Variants in TANC1 observed in about 807,000 individuals in gnomAD.
The protein encoded by TANC1 is tetratricopeptide repeat, ankyrin repeat and coiled-coil containing 1, also known as protein TANC1.
In TANC1, 77 loss-of-function variants were observed where a neutral mutation model predicts 149.7. The observed-to-expected ratio is 0.51, with a 90% CI of 0.43 to 0.62. The LOEUF (loss-of-function observed/expected upper bound fraction) is 0.62. Ranked by LOEUF, TANC1 falls within the 20% of genes least tolerant of loss-of-function variation. The pLI is 0.00. For missense variants in TANC1, 1,985 were observed against 2,321.8 expected, an observed-to-expected ratio of 0.85 and a Z score of 2.98; for synonymous variants, 854 against 925.0, an observed-to-expected ratio of 0.92 and a Z score of 1.39.
At chr2:159,201,341 C>T (rs1390833668) in intron 19 of TANC1, among the ~76,000 whole-genome samples, 1 of 152,134 alleles carries the variant, frequency 6.6e-6, no homozygotes, top group East Asian at 1.9e-4. Context: ...GATTTGGCCA[C>T]GTGGGGTCTG....
At chr2:159,141,832 A>G (rs1255516965) in intron 5 of TANC1, among the ~76,000 whole-genome samples, 1 of 152,216 alleles carries the variant, frequency 6.6e-6, no homozygotes, top group Non-Finnish European at 1.5e-5. Context: ...GGAAAAGACC[A>G]CACAAGACCA....
chr2:159,129,574 T>C (rs139766579), intron 4 of TANC1, among the ~76,000 whole-genome samples: 1 of 152,122 alleles, frequency 6.6e-6, no homozygotes, highest in South Asian at 2.1e-4. Flanking sequence ...TTTGTTGTTT[T>C]TTTTTTCTTT....
chr2:159,157,180 AG>A (rs2053528578), intron 7 of TANC1, among the ~76,000 whole-genome samples: 1 of 152,154 alleles, frequency 6.6e-6, no homozygotes, highest in Admixed American at 6.5e-5. Context: ...GTTACCATGC[AG>A]GGTTGGGGCG....
intron 2 of TANC1, among the ~76,000 whole-genome samples, chr2:159,054,203 G>A (rs1357367292): frequency 6.6e-6 from 1 of 152,210 alleles, no homozygotes; most frequent in Non-Finnish European, 1.5e-5. Flanking sequence ...GATCAAGACT[G>A]CCTGGATGCA....
chr2:159,041,535 C>T lies in TANC1; in HGVS notation c.-15-24361C>T, dbSNP rs544386598. Reference sequence around the variant, plus strand: ...CTAGGCTGCCACCTTGCAGCTCGATCTCGGACTGCTGTGCTAGCAGTGAGC... The same window carrying T: ...CTAGGCTGCCACCTTGCAGCTCGATTTCGGACTGCTGTGCTAGCAGTGAGC... On this transcript the variant is annotated intron_variant, in intron 2 of 26. Transcript: ENST00000263635. Among the ~76,000 whole-genome samples, 20 of 152,342 alleles carry T rather than the reference C, an allele frequency of 1.3e-4. 1 individual carries two copies. The highest frequency in any genetic ancestry group is 1.0e-3 in the South Asian group (5 of 4,826).
chr2:159,129,064 A>G (rs1255843135), intron 4 of TANC1, among the ~76,000 whole-genome samples: 1 of 152,232 alleles, frequency 6.6e-6, no homozygotes, highest in Non-Finnish European at 1.5e-5. Context: ...ATGCAAAAAA[A>G]TCCCTAAAAT....
At chr2:159,199,106 C>T (rs1052962596) in intron 19 of TANC1, 53 bp downstream of exon 19, 2 of 1,446,722 alleles carry the variant, frequency 1.4e-6, no homozygotes, top group Non-Finnish European at 1.9e-6. Context: ...GATGTTTTAG[C>T]CCTATTTTGG....
chr2:159,041,920 C>T (rs1246319199), intron 2 of TANC1, among the ~76,000 whole-genome samples: 1 of 152,164 alleles, frequency 6.6e-6, no homozygotes, highest in Non-Finnish European at 1.5e-5. Flanking sequence ...CATCTTGGAA[C>T]CCTACCCCAT....
rs1331472910 is a variant in TANC1 at position 159,170,737 on chromosome 2, T to C, written c.1283T>C (p.Val428Ala). 1.9e-6 allele frequency: 3 copies of C among 1,614,146 alleles called. No individual in the cohort carries two copies. Among genetic ancestry groups the C allele is most frequent in the Admixed American group, 3.3e-5 (2 of 60,024 alleles). Residue 428 changes from valine to alanine, a missense_variant, in exon 10 of 27, where the codon GTG becomes GCG. Coordinates refer to ENST00000263635, the MANE Select transcript of TANC1 (RefSeq NM_033394.3). ...FGKTAIISKL[V>A]ALSCHGSRMR... is the part of the protein sequence containing the mutation. The stretch of plus-strand genomic sequence containing the variant: ...AAGACGGCAATCATTTCCAAGTTGG[T>C]GGCCCTGAGCTGCCACGGAAGCCGC...
chr2:158,997,533 C>G (rs2036242679), intron 1 of TANC1, among the ~76,000 whole-genome samples: 1 of 152,148 alleles, frequency 6.6e-6, no homozygotes, highest in African/African-American at 2.4e-5. Context: ...ATCACAGTAA[C>G]CAGGACTCCT....
intron 7 of TANC1, 181 bp downstream of exon 7, chr2:159,150,737 C>T (rs1242818893): frequency 3.8e-6 from 2 of 530,940 alleles, no homozygotes; most frequent in Non-Finnish European, 6.7e-6. Context: ...TTGGCTTTTA[C>T]ATTCCTTGAT....
chr2:159,099,524 C>A (rs2046460472), intron 4 of TANC1, among the ~76,000 whole-genome samples: 1 of 151,006 alleles, frequency 6.6e-6, no homozygotes, highest in Non-Finnish European at 1.5e-5. Flanking sequence ...CAAAACAAAA[C>A]AAAAAAACTT....
chr2:159,136,906 A>G (rs186166160), intron 5 of TANC1, among the ~76,000 whole-genome samples: 1 of 152,228 alleles, frequency 6.6e-6, no homozygotes, highest in East Asian at 1.9e-4. Context: ...TTTAACAGAT[A>G]TATTCATAGT....
intron 19 of TANC1, among the ~76,000 whole-genome samples, chr2:159,211,998 T>C (rs2059016968): frequency 6.6e-6 from 1 of 152,258 alleles, no homozygotes; most frequent in African/African-American, 2.4e-5. Context: ...GTTTCTCTGA[T>C]GCCCCTGTGA....
intron 2 of TANC1, among the ~76,000 whole-genome samples, chr2:159,048,531 A>G (rs979579729): frequency 1.6e-4 from 25 of 152,162 alleles, no homozygotes; most frequent in African/African-American, 5.3e-4. Flanking sequence ...GTTGTGTTCA[A>G]TTGTGGGAAT....
At chr2:159,000,063 A>T (rs912956240) in intron 1 of TANC1, among the ~76,000 whole-genome samples, 1 of 152,158 alleles carries the variant, frequency 6.6e-6, no homozygotes, top group African/African-American at 2.4e-5. Context: ...AAGGGCCTCC[A>T]TGCCCAGCAG....
Position 159,175,117 on chromosome 2 carries a change from C to G in TANC1, c.1668C>G (p.Ser556=). ...TACAGAGCATGCTGAGCCTCCGATC[C>G]TGTGTGCAGGACCCGGTGGCAGCTT... ...PQLQSMLSLR[S]CVQDPVAAFK... Residue 556 remains serine (S), a synonymous_variant, in exon 12 of 27, where the codon TCC becomes TCG. Transcript: ENST00000263635. 1.9e-6 allele frequency: 3 copies of G among 1,614,184 alleles called. No homozygotes were observed. Among genetic ancestry groups the G allele is most frequent in the Non-Finnish European group, 2.5e-6 (3 of 1,180,032 alleles).
In TANC1 at chr2:159,048,906, C is replaced by T. The variant is rs563551716; in HGVS notation, c.-15-16990C>T. 6.6e-5 allele frequency among the ~76,000 whole-genome samples: 10 copies of T among 152,336 alleles called. No homozygotes were observed. In the South Asian group the frequency reaches 1.7e-3, roughly 25 times the overall value. On this transcript the variant is annotated intron_variant, in intron 2 of 26. Coordinates refer to ENST00000263635, the MANE Select transcript of TANC1 (RefSeq NM_033394.3). Reference sequence around the variant, plus strand: ...TTGGCCTCCCAAAGTGCTGGGATTACAGGCATGAGCCACCACAATTGGCCC... The same window carrying T: ...TTGGCCTCCCAAAGTGCTGGGATTATAGGCATGAGCCACCACAATTGGCCC...
chr2:159,179,208 T>A (rs1175186933), intron 14 of TANC1, 45 bp downstream of exon 14: 1 of 1,566,702 alleles, frequency 6.4e-7, no homozygotes, highest in Non-Finnish European at 8.6e-7. Context: ...GAATCTCGTG[T>A]GCAGTTGGGG....
Sources: gnomAD v4.1 joint callset for allele counts (sites outside exome capture counted in the v4.1 genomes callset) on GRCh38, gnomAD v4.1.1 for gene constraint, MANE v1.5 for transcripts, NCBI Gene and HGNC (gene_info 2026-07-23, HGNC 2026-07-21) for gene names.